The following BAZ2B variants were observed in gnomAD, a reference collection of about 807,000 sequenced individuals.
BAZ2B encodes the protein bromodomain adjacent to zinc finger domain protein 2B.
BAZ2B carries 91 observed loss-of-function variants against 246.0 expected under a neutral mutation model. The observed-to-expected ratio is 0.37, with a 90% confidence interval of 0.31 to 0.44. The LOEUF is 0.44. Ranked by LOEUF, BAZ2B falls within the 20% of genes least tolerant of loss-of-function variation. BAZ2B has a pLI of 1.00. For missense variants in BAZ2B, 2,332 were observed against 2,533.7 expected (o/e 0.92, Z 1.71); for synonymous variants, 855 against 860.0 (o/e 0.99, Z 0.10).
intron 13 of BAZ2B, among the ~76,000 whole-genome samples, chr2:159,417,333 G>A (rs11678879): frequency 0.33 from 50,764 of 151,906 alleles, 9,989 homozygotes; most frequent in Non-Finnish European, 0.47. Flanking sequence ...ACCATACCCG[G>A]CTAATTTTTG....
chr2:159,496,168 G>A (rs1441755992), intron 2 of BAZ2B, among the ~76,000 whole-genome samples: 21 of 149,488 alleles, frequency 1.4e-4, no homozygotes, highest in African/African-American at 4.6e-4. Context: ...GAGGTCAGAA[G>A]ATCGAGACCA....
intron 1 of BAZ2B, among the ~76,000 whole-genome samples, chr2:159,578,521 C>T (rs990894386): frequency 3.3e-5 from 5 of 152,080 alleles, no homozygotes; most frequent in African/African-American, 1.2e-4. Flanking sequence ...ATCAACGAGA[C>T]AAAAAGTTAA....
the BAZ2B span, among the ~76,000 whole-genome samples, chr2:159,651,983 T>G: frequency 1.4e-4 from 22 of 152,216 alleles, no homozygotes; most frequent in African/African-American, 5.1e-4. Flanking sequence ...TGAGCTATTA[T>G]GAATAATACT....
At position 159,369,345 on chromosome 2, in the gene BAZ2B, C is replaced by T. The variant is rs2060568891; in HGVS notation, c.4213+3700G>A. Reference sequence around the variant, plus strand: ...CATTAACAGAACAGCATAAAGACAGCTTGGGGTCAGAATTGTATACAGTCT... The same window carrying T: ...CATTAACAGAACAGCATAAAGACAGTTTGGGGTCAGAATTGTATACAGTCT... On this transcript the variant is annotated intron_variant, in intron 27 of 36. Transcript: ENST00000392783. Among the ~76,000 whole-genome samples, 3 of 152,080 alleles carry T rather than the reference C, an allele frequency of 2.0e-5. No homozygotes were observed. In the South Asian group the frequency reaches 6.2e-4, roughly 31 times the overall value.
chr2:159,615,492 C>G (rs946542708), intron 1 of BAZ2B: 2 of 152,244 alleles, frequency 1.3e-5, no homozygotes, highest in South Asian at 4.2e-4. Context: ...GCCCCACCCC[C>G]ACCCCCGCTC....
intron 25 of BAZ2B, among the ~76,000 whole-genome samples, chr2:159,377,824 A>AAAAAAAAAG (rs2061575327): frequency 6.6e-6 from 1 of 151,556 alleles, no homozygotes; most frequent in Admixed American, 6.6e-5. Context: ...AAAAAAAAAA[A>AAAAAAAAAG]AAAAAAGAAG....
chr2:159,644,543 G>C, the BAZ2B span, among the ~76,000 whole-genome samples: 1 of 151,984 alleles, frequency 6.6e-6, no homozygotes, highest in Non-Finnish European at 1.5e-5. Flanking sequence ...CATGATTTCT[G>C]AATCACCTTT....
At chr2:159,496,950 T>C (rs1220187270) in intron 2 of BAZ2B, among the ~76,000 whole-genome samples, 2 of 152,110 alleles carry the variant, frequency 1.3e-5, no homozygotes, top group East Asian at 3.8e-4. Context: ...TTAACAACTA[T>C]TTTTGAGCAT....
At chr2:159,348,460 A>G (rs1227623169) in intron 30 of BAZ2B, among the ~76,000 whole-genome samples, 1 of 151,938 alleles carries the variant, frequency 6.6e-6, no homozygotes, top group Non-Finnish European at 1.5e-5. Context: ...GTTATACTAT[A>G]TATTATTTAG....
At chr2:159,354,693 T>A (rs1363699238) in intron 27 of BAZ2B, among the ~76,000 whole-genome samples, 4 of 152,194 alleles carry the variant, frequency 2.6e-5, no homozygotes, top group African/African-American at 9.6e-5. Flanking sequence ...ATGGGATATT[T>A]AGTGTAAAGA....
chr2:159,573,869 G>A lies in BAZ2B; in HGVS notation c.-45-18004C>T, dbSNP rs1684606697. Among the ~76,000 whole-genome samples, 3 of 152,304 alleles carry A rather than the reference G, an allele frequency of 2.0e-5. No individual in the cohort carries two copies. The South Asian group carries it at 6.2e-4, about 32-fold the overall frequency. Reference sequence around the variant, plus strand: ...AATCCTAGCACTTTGGGAGGACAAGGTAGGTAGATCGCTTGAGCCCAAGAG... The same window carrying A: ...AATCCTAGCACTTTGGGAGGACAAGATAGGTAGATCGCTTGAGCCCAAGAG... On this transcript the variant is annotated intron_variant, in intron 1 of 36. Coordinates refer to ENST00000392783, the MANE Select transcript of BAZ2B (RefSeq NM_013450.4).
At chr2:159,702,441 T>G in the BAZ2B span, among the ~76,000 whole-genome samples, 1 of 152,206 alleles carries the variant, frequency 6.6e-6, no homozygotes, top group Admixed American at 6.6e-5. Context: ...CAATTAATTT[T>G]TAATGCTACT....
the BAZ2B span, among the ~76,000 whole-genome samples, chr2:159,680,265 T>C: frequency 6.6e-6 from 1 of 152,178 alleles, no homozygotes; most frequent in African/African-American, 2.4e-5. Flanking sequence ...AATTGAAAAA[T>C]CTTTTTTATT....
chr2:159,645,746 G>C, the BAZ2B span, among the ~76,000 whole-genome samples: 3 of 152,106 alleles, frequency 2.0e-5, no homozygotes, highest in Admixed American at 6.6e-5. Flanking sequence ...TTTTAAAGCT[G>C]GGTGTCCGGG....
intron 6 of BAZ2B, among the ~76,000 whole-genome samples, chr2:159,441,794 T>G (rs1270652367): frequency 2.0e-5 from 3 of 152,190 alleles, no homozygotes; most frequent in Admixed American, 6.5e-5. Flanking sequence ...GACTATAAGC[T>G]AAAACATTTT....
intron 1 of BAZ2B, among the ~76,000 whole-genome samples, chr2:159,597,094 A>C (rs1490544287): frequency 5.3e-5 from 8 of 152,162 alleles, no homozygotes. Flanking sequence ...CCATTCTTGC[A>C]TAAGTAAGGT....
At chr2:159,329,282 G>T (rs1489838846) in intron 34 of BAZ2B, among the ~76,000 whole-genome samples, 1 of 151,866 alleles carries the variant, frequency 6.6e-6, no homozygotes, top group African/African-American at 2.4e-5. Context: ...TAGTTTTATT[G>T]GGTATTATAA....
At chr2:159,427,568 CTT>C (rs891389970) in intron 13 of BAZ2B, among the ~76,000 whole-genome samples, 2 of 152,108 alleles carry the variant, frequency 1.3e-5, no homozygotes, top group Non-Finnish European at 2.9e-5. Flanking sequence ...TTTGGACTGA[CTT>C]ATAATAATAG....
intron 35 of BAZ2B, 111 bp from the exon 36 acceptor site, chr2:159,325,065 T>G (rs1266584778): frequency 5.9e-4 from 1 of 1,704 alleles, no homozygotes; most frequent in Non-Finnish European, 1.3e-3. Context: ...ATATATTATA[T>G]ATATATATAT....
Sources: gnomAD v4.1 joint callset for allele counts (sites outside exome capture counted in the v4.1 genomes callset) on GRCh38, gnomAD v4.1.1 for gene constraint, MANE v1.5 for transcripts, NCBI Gene and HGNC (gene_info 2026-07-23, HGNC 2026-07-21) for gene names.